SMARCAL1: variants seen among roughly 807,000 people sequenced by gnomAD.
SMARCAL1 encodes ATP-driven annealing helicase.
A neutral mutation model predicts 94.5 loss-of-function variants in SMARCAL1; 58 were observed. The observed-to-expected ratio is 0.61, with a 90% CI of 0.50 to 0.76. The LOEUF (loss-of-function observed/expected upper bound fraction) is 0.76. Among genes scored for constraint, SMARCAL1 ranks in the 30% least tolerant of loss-of-function variants. The probability of loss-of-function intolerance (pLI) is 0.00; values close to 1 mark genes in which losing one functional copy is unlikely to be tolerated. For missense variants in SMARCAL1, 1,051 were observed against 1,177.9 expected (o/e 0.89, Z 1.58); for synonymous variants, 422 against 455.1 (o/e 0.93, Z 0.93).
intron 4 of SMARCAL1, among the ~76,000 whole-genome samples, chr2:216,417,234 C>A (rs1231087316): frequency 6.6e-6 from 1 of 152,222 alleles, no homozygotes; most frequent in Non-Finnish European, 1.5e-5. Context: ...TGGTTTTCTC[C>A]TTGGCCTCCA....
At position 216,450,448 on chromosome 2, in the gene SMARCAL1, T is replaced by C. The variant is rs377462080; in HGVS notation, c.1852-398T>C. Among the ~76,000 whole-genome samples the C allele has an allele frequency of 1.3e-5, 2 of 152,376 alleles. 1 individual carries two copies. Among genetic ancestry groups the C allele is most frequent in the South Asian group, 4.1e-4 (2 of 4,830 alleles). On this transcript the variant is annotated intron_variant, in intron 11 of 17. Transcript: ENST00000357276. The stretch of plus-strand genomic sequence containing the variant: ...ATGTTACTGACATTATTTTATTACA[T>C]TGTGCAACAGACTCTGTAGGATAAG...
intron 14 of SMARCAL1, among the ~76,000 whole-genome samples, chr2:216,474,637 C>A (rs1695033763): frequency 6.6e-6 from 1 of 151,850 alleles, no homozygotes; most frequent in Admixed American, 6.6e-5. Flanking sequence ...CGCCTGTAAT[C>A]CCACCTAGTT....
chr2:216,416,137 G>A, intron 3 of SMARCAL1, 120 bp from the exon 4 acceptor site: 1 of 804,588 alleles, frequency 1.2e-6, no homozygotes. Context: ...AGATCAGTGG[G>A]GGCTTGCTGG....
chr2:216,417,917 G>A (rs1455214015), intron 4 of SMARCAL1, among the ~76,000 whole-genome samples: 1 of 152,080 alleles, frequency 6.6e-6, no homozygotes, highest in Non-Finnish European at 1.5e-5. Context: ...GGTTTTTTGT[G>A]TGATATCGTT....
chr2:216,425,504 C>T (rs1693813345), intron 6 of SMARCAL1, among the ~76,000 whole-genome samples: 1 of 152,216 alleles, frequency 6.6e-6, no homozygotes, highest in South Asian at 2.1e-4. Context: ...TGCCACTCTT[C>T]ACTCCTGTGG....
intron 2 of SMARCAL1, 40 bp from the exon 3 acceptor site, chr2:216,414,607 C>A (rs1421828216): frequency 9.9e-7 from 1 of 1,013,100 alleles, no homozygotes. Flanking sequence ...ACAATTAATA[C>A]ATGTAATGTT....
rs551373275 is a variant in SMARCAL1 at position 216,447,268 on chromosome 2, G to A, written c.1851+110G>A. The A allele has an allele frequency of 1.5e-4, 197 of 1,336,140 alleles. 1 individual carries two copies. The East Asian group carries it at 4.5e-3, about 31-fold the overall frequency. 82.8% of individuals were successfully genotyped at this position (1,336,140 alleles called of 1,614,324 possible). Reference sequence around the variant, plus strand: ...GATATGGTCAGAAGAGCACTGGCCAGGGGAATGGATTTTAGTCTTTCTGTT... The same window carrying A: ...GATATGGTCAGAAGAGCACTGGCCAAGGGAATGGATTTTAGTCTTTCTGTT... On this transcript the variant is annotated intron_variant, in intron 11 of 17. Transcript: ENST00000357276.
intron 6 of SMARCAL1, among the ~76,000 whole-genome samples, chr2:216,426,007 G>T (rs981326133): frequency 1.3e-5 from 2 of 152,144 alleles, no homozygotes; most frequent in Non-Finnish European, 2.9e-5. Flanking sequence ...AATTATAGGC[G>T]CATATCCCCA....
chr2:216,420,878 A>G (rs2106021198), intron 5 of SMARCAL1, among the ~76,000 whole-genome samples: 1 of 152,320 alleles, frequency 6.6e-6, no homozygotes. Context: ...ATAAAAATAA[A>G]TGCTTTTCCA....
chr2:216,426,102 TC>T (rs1372759875), intron 6 of SMARCAL1, among the ~76,000 whole-genome samples: 1 of 152,222 alleles, frequency 6.6e-6, no homozygotes, highest in African/African-American at 2.4e-5. Flanking sequence ...CCTCAAGTGA[TC>T]CTCCCACCTT....
chr2:216,459,416 A>G (rs1694646960), intron 12 of SMARCAL1, among the ~76,000 whole-genome samples: 1 of 152,186 alleles, frequency 6.6e-6, no homozygotes, highest in African/African-American at 2.4e-5. Context: ...GAGTCATCAC[A>G]CTACCTGACT....
intron 6 of SMARCAL1, among the ~76,000 whole-genome samples, chr2:216,428,376 G>T (rs1019590732): frequency 6.6e-6 from 1 of 152,092 alleles, no homozygotes; most frequent in Non-Finnish European, 1.5e-5. Flanking sequence ...AAAAAGCAAG[G>T]TCAGTGCAAT....
Position 216,475,570 on chromosome 2 carries a change from C to G in SMARCAL1, c.2427+119C>G. On this transcript the variant is annotated intron_variant, in intron 15 of 17. Transcript: ENST00000357276. This position sits in a 1 kb window ranked among gnomAD's most constrained non-coding sequence, Gnocchi z 4.4. ...TTTTATCCATTCATTATACTTCCCA[C>G]AAGTCAGTTTTCACTTCCTTTAAGC... 1 of 1,046,954 alleles carries G rather than the reference C, an allele frequency of 9.6e-7. No individual in the cohort carries two copies. Among genetic ancestry groups the G allele is most frequent in the Non-Finnish European group, 1.5e-6 (1 of 677,382 alleles). The allele number at this position is 1,046,954 out of a possible 1,614,324, so 64.9% of individuals were successfully genotyped here. A position where few individuals can be genotyped will look rare whatever the true frequency, so the allele number is the denominator to read the frequency against.
intron 7 of SMARCAL1, 139 bp from the exon 8 acceptor site, chr2:216,432,578 TG>T: frequency 1.1e-6 from 1 of 944,994 alleles, no homozygotes; most frequent in South Asian, 1.4e-5. Context: ...CCTTTCCTTC[TG>T]GGGAGCAAGT....
chr2:216,464,704 A>C (rs762715417), intron 13 of SMARCAL1, 37 bp downstream of exon 13: 1 of 1,283,576 alleles, frequency 7.8e-7, no homozygotes, highest in Non-Finnish European at 1.1e-6. Context: ...TCTCTCTCTC[A>C]TCTTCAAAAA....
intron 5 of SMARCAL1, among the ~76,000 whole-genome samples, chr2:216,421,917 G>A (rs1693730174): frequency 6.6e-6 from 1 of 152,188 alleles, no homozygotes; most frequent in South Asian, 2.1e-4. Context: ...TGGTTGCTAC[G>A]TCATCATCCT....
At chr2:216,434,652 A>G (rs1279086107) in intron 8 of SMARCAL1, among the ~76,000 whole-genome samples, 2 of 150,640 alleles carry the variant, frequency 1.3e-5, no homozygotes, top group African/African-American at 2.5e-5. Context: ...TCTGAACAAC[A>G]TACTGAGACC....
rs530166687 is a variant in SMARCAL1 at position 216,478,200 on chromosome 2, C to A, written c.2529-3C>A. On this transcript the variant is annotated splice_polypyrimidine_tract_variant and splice_region_variant and intron_variant, in intron 16 of 17. Coordinates refer to ENST00000357276, the MANE Select transcript of SMARCAL1 (RefSeq NM_014140.4). Reference sequence around the variant, plus strand: ...TTCACTGCAGCTCATTTCTCCCCAACAGGCCCCTGATTCAAGAGAAGATTA... The same window carrying A: ...TTCACTGCAGCTCATTTCTCCCCAAAAGGCCCCTGATTCAAGAGAAGATTA... 6.2e-7 allele frequency: 1 copy of A among 1,613,780 alleles called. No individual in the cohort carries two copies. The highest frequency in any genetic ancestry group is 2.2e-5 in the East Asian group (1 of 44,888).
chr2:216,456,381 G>C (rs1040084140), intron 12 of SMARCAL1, among the ~76,000 whole-genome samples: 4 of 152,168 alleles, frequency 2.6e-5, no homozygotes, highest in African/African-American at 9.7e-5. Flanking sequence ...GCAACTCCAA[G>C]ACACATAATT....
Sources: gnomAD v4.1 joint callset for allele counts (sites outside exome capture counted in the v4.1 genomes callset) on GRCh38, gnomAD v4.1.1 for gene constraint, Gnocchi (gnomAD v3.1) non-coding constraint, MANE v1.5 for transcripts, NCBI Gene and HGNC (gene_info 2026-07-23, HGNC 2026-07-21) for gene names.